RBFOX1: variants seen among roughly 807,000 people sequenced by gnomAD.
RBFOX1 encodes the protein RNA binding fox-1 homolog 1, also known as RNA binding protein fox-1 homolog 1.
Under a neutral mutation model 57.7 loss-of-function variants are expected in RBFOX1, and 8 were observed. The observed-to-expected ratio is 0.14, with a 90% CI of 0.08 to 0.25. RBFOX1 has a LOEUF of 0.25. RBFOX1 is among the 10% of genes least tolerant of loss of function. RBFOX1 has a pLI of 1.00. For missense variants in RBFOX1, 611 were observed against 548.5 expected, an observed-to-expected ratio of 1.11 and a Z score of -1.14; for synonymous variants, 326 against 222.4, an observed-to-expected ratio of 1.47 and a Z score of -4.15.
chr16:5,795,098 A>G lies in RBFOX1; in HGVS notation c.319-72205A>G, dbSNP rs180699776. ...TCAGTTTCTCATGTGGAGAATGGGA[A>G]AAGAAATACCTACCTTATTATATTG... On this transcript the variant is annotated intron_variant, in intron 3 of 19. Transcript: ENST00000641259. Among the ~76,000 whole-genome samples, 31 of 152,318 alleles carry G rather than the reference A, an allele frequency of 2.0e-4. No homozygotes were observed. The East Asian group carries it at 4.2e-3, about 21-fold the overall frequency.
At chr16:5,497,652 G>A (rs1390531021) in intron 2 of RBFOX1, among the ~76,000 whole-genome samples, 1 of 144,752 alleles carries the variant, frequency 6.9e-6, no homozygotes, top group African/African-American at 2.7e-5. Context: ...GGGCATGGTG[G>A]CACACACTCC....
intron 1 of RBFOX1, among the ~76,000 whole-genome samples, chr16:5,302,612 C>G (rs975910248): frequency 2.6e-5 from 4 of 152,134 alleles, no homozygotes; most frequent in Admixed American, 1.3e-4. Flanking sequence ...TTAATAGGTA[C>G]AGCATACATT....
intron 2 of RBFOX1, among the ~76,000 whole-genome samples, chr16:6,448,161 T>C (rs796195088): frequency 1.5e-5 from 2 of 131,004 alleles, no homozygotes; most frequent in Non-Finnish European, 3.2e-5. Context: ...TCTTTCTTTT[T>C]TTTTTTTTTT....
chr16:5,958,363 A>G (rs1241529952), intron 4 of RBFOX1, among the ~76,000 whole-genome samples: 1 of 152,196 alleles, frequency 6.6e-6, no homozygotes, highest in Non-Finnish European at 1.5e-5. Context: ...GCCTCCTTGC[A>G]GTGTTGTCTG....
chr16:5,587,275 G>A (rs192417723), intron 2 of RBFOX1, among the ~76,000 whole-genome samples: 6 of 152,266 alleles, frequency 3.9e-5, no homozygotes, highest in African/African-American at 9.6e-5. Flanking sequence ...CAAAGTGTCC[G>A]AATAGACATT....
intron 3 of RBFOX1, among the ~76,000 whole-genome samples, chr16:6,952,552 C>T (rs554213114): frequency 1.4e-3 from 212 of 151,980 alleles, no homozygotes; most frequent in African/African-American, 4.9e-3. Context: ...GTAGGAGAAT[C>T]ACTTAGGCCT....
chr16:7,049,117 T>G (rs758318963), intron 3 of RBFOX1, among the ~76,000 whole-genome samples: 1 of 152,186 alleles, frequency 6.6e-6, no homozygotes, highest in Non-Finnish European at 1.5e-5. Flanking sequence ...TTTTCCCAAA[T>G]TATTTTCTCT....
chr16:5,335,652 T>C (rs182075465), intron 1 of RBFOX1, among the ~76,000 whole-genome samples: 2 of 152,216 alleles, frequency 1.3e-5, no homozygotes, highest in Admixed American at 6.5e-5. Context: ...TTAATGTTGG[T>C]TTTTTGTGTG....
chr16:6,843,843 T>C (rs945843001), intron 3 of RBFOX1, among the ~76,000 whole-genome samples: 1 of 152,216 alleles, frequency 6.6e-6, no homozygotes, highest in Non-Finnish European at 1.5e-5. Context: ...GAAGTTCTCC[T>C]GAACTGACTG....
intron 5 of RBFOX1, among the ~76,000 whole-genome samples, chr16:7,572,749 G>C (rs928980140): frequency 2.0e-5 from 3 of 152,052 alleles, no homozygotes; most frequent in African/African-American, 7.3e-5. Context: ...TGAGGCAGGA[G>C]AATGGCGTGA....
chr16:7,255,129 C>A (rs1882588), intron 4 of RBFOX1, among the ~76,000 whole-genome samples: 1 of 152,044 alleles, frequency 6.6e-6, no homozygotes, highest in Non-Finnish European at 1.5e-5. Context: ...ACCCCATCTC[C>A]GATCTTTGCA....
At chr16:5,554,949 G>A (rs2045613338) in intron 2 of RBFOX1, among the ~76,000 whole-genome samples, 1 of 152,234 alleles carries the variant, frequency 6.6e-6, no homozygotes, top group Non-Finnish European at 1.5e-5. Context: ...ATGCAGAGTT[G>A]TATTTCCATG....
At chr16:7,400,460 C>G (rs1333246191) in intron 4 of RBFOX1, among the ~76,000 whole-genome samples, 1 of 151,922 alleles carries the variant, frequency 6.6e-6, no homozygotes, top group Non-Finnish European at 1.5e-5. Context: ...GTCCAGGTTG[C>G]TTTTTTTTAA....
intron 2 of RBFOX1, among the ~76,000 whole-genome samples, chr16:6,614,427 T>G (rs904996016): frequency 2.6e-5 from 4 of 152,194 alleles, no homozygotes; most frequent in African/African-American, 9.7e-5. Flanking sequence ...TTAAAAAGAA[T>G]AAAAGCAGAC....
At chr16:7,364,580 AAAAAAAAAAC>A (rs1384370743) in intron 4 of RBFOX1, among the ~76,000 whole-genome samples, 15 of 150,850 alleles carry the variant, frequency 9.9e-5, no homozygotes, top group African/African-American at 3.7e-4. Context: ...AAGACCAAAA[AAAAAAAAAAC>A]AAAAAAAAAA....
intron 4 of RBFOX1, among the ~76,000 whole-genome samples, chr16:5,963,022 A>G (rs2059780038): frequency 1.3e-5 from 2 of 152,078 alleles, no homozygotes; most frequent in African/African-American, 4.8e-5. Flanking sequence ...ATAGAATGGC[A>G]TTTTACTCAT....
Position 5,494,028 on chromosome 16 carries a change from G to C in RBFOX1, c.258+26774G>C, listed in dbSNP as rs912339086. Among the ~76,000 whole-genome samples, 7 of 152,234 alleles carry C rather than the reference G, an allele frequency of 4.6e-5. No individual in the cohort carries two copies. The South Asian group carries it at 1.2e-3, about 27-fold the overall frequency. On this transcript the variant is annotated intron_variant, in intron 2 of 2. Transcript: ENST00000585867. The stretch of plus-strand genomic sequence containing the variant: ...GTGGGGCTTTGTGAAGACTCACGAG[G>C]TGATTTACTTCTTAATGGAGCAGGA...
intron 3 of RBFOX1, among the ~76,000 whole-genome samples, chr16:5,607,403 G>A (rs753008802): frequency 6.8e-6 from 1 of 146,130 alleles, no homozygotes; most frequent in African/African-American, 2.7e-5. Flanking sequence ...CACAGATAGC[G>A]CAGGGTCTGC....
intron 2 of RBFOX1, among the ~76,000 whole-genome samples, chr16:5,548,677 A>G (rs536126256): frequency 6.6e-6 from 1 of 152,170 alleles, no homozygotes; most frequent in Non-Finnish European, 1.5e-5. Flanking sequence ...AACTAAAAAA[A>G]TTTAAAAAGG....
Sources: gnomAD v4.1 joint callset for allele counts (sites outside exome capture counted in the v4.1 genomes callset) on GRCh38, gnomAD v4.1.1 for gene constraint, MANE v1.5 for transcripts, NCBI Gene and HGNC (gene_info 2026-07-23, HGNC 2026-07-21) for gene names.